FAT3: variants seen among roughly 807,000 people sequenced by gnomAD.
FAT3 encodes protocadherin Fat 3.
A neutral mutation model predicts 310.2 loss-of-function variants in FAT3; 95 were observed. The ratio of observed to expected loss-of-function variants is 0.31; its 90% CI spans 0.26 to 0.36. The LOEUF (loss-of-function observed/expected upper bound fraction) is 0.36. FAT3 is among the 10% of genes least tolerant of loss of function. The probability of loss-of-function intolerance (pLI) is 1.00; values close to 1 mark genes in which losing one functional copy is unlikely to be tolerated. For missense variants in FAT3, 5,408 were observed against 5,715.6 expected (o/e 0.95, Z 1.74); for synonymous variants, 2,314 against 2,192.9 (o/e 1.06, Z -1.54).
chr11:92,561,264 TGTGTGTGTGTGTG>T (rs1955216459), intron 3 of FAT3, among the ~76,000 whole-genome samples: 1 of 35,450 alleles, frequency 2.8e-5, no homozygotes, highest in East Asian at 3.7e-3. Context: ...TGTGTGTGTG[TGTGTGTGTGTGTG>T]TGTGTGTGTG....
chr11:92,525,761 G>A (rs1953840853), intron 3 of FAT3, among the ~76,000 whole-genome samples: 1 of 152,186 alleles, frequency 6.6e-6, no homozygotes. Flanking sequence ...GGGCAAGTGA[G>A]TTGATATTGG....
intron 1 of FAT3, among the ~76,000 whole-genome samples, chr11:92,350,271 A>G (rs1366096674): frequency 2.0e-5 from 3 of 152,030 alleles, no homozygotes; most frequent in Non-Finnish European, 2.9e-5. Flanking sequence ...TTATAATAAT[A>G]TGTGCCTTGC....
rs1046038718 is a variant in FAT3, at chr11:92,250,005, C to T, written c.-18+24831C>T. 3.3e-5 allele frequency among the ~76,000 whole-genome samples: 5 copies of T among 152,122 alleles called. No homozygotes were observed. The East Asian group carries it at 5.8e-4, about 18-fold the overall frequency. ...TGGTAGAAAAATAGATGAGGTGATA[C>T]GTATGATTTCTTTCACTCTTAAAAT... is the stretch of plus-strand genomic sequence containing the variant. On this transcript the variant is annotated intron_variant, in intron 1 of 27. Transcript: ENST00000525166.
At chr11:92,334,020 A>G (rs751558624) in intron 1 of FAT3, among the ~76,000 whole-genome samples, 2 of 152,200 alleles carry the variant, frequency 1.3e-5, no homozygotes, top group Non-Finnish European at 2.9e-5. Flanking sequence ...CCAGTATTCA[A>G]ATATTTACAT....
At chr11:92,313,798 T>G (rs1051545383) in intron 1 of FAT3, among the ~76,000 whole-genome samples, 1 of 152,238 alleles carries the variant, frequency 6.6e-6, no homozygotes, top group Non-Finnish European at 1.5e-5. Context: ...GACCTAGTGA[T>G]CTGCCGACCT....
At chr11:92,286,009 C>T (rs758795408) in intron 1 of FAT3, among the ~76,000 whole-genome samples, 14 of 152,114 alleles carry the variant, frequency 9.2e-5, no homozygotes, top group Admixed American at 4.6e-4. Context: ...TGCTTTTCCC[C>T]GAGATGAGAG....
At chr11:92,350,738 A>C (rs1223088201) in intron 1 of FAT3, among the ~76,000 whole-genome samples, 1 of 130,660 alleles carries the variant, frequency 7.7e-6, no homozygotes, top group Non-Finnish European at 1.7e-5. Context: ...CCTATTACTT[A>C]GGATTATCAT....
Position 92,353,826 on chromosome 11 carries a change from A to G in FAT3, c.1714A>G (p.Asn572Asp). Residue 572 changes from asparagine (N) to aspartate (D), a missense_variant, in exon 2 of 28, where the codon AAC becomes GAC. This residue lies in a region of FAT3 where 4,588 missense variants were observed against 4,809.8 expected (regional missense o/e 0.95). Coordinates refer to ENST00000525166, the MANE Select transcript of FAT3 (RefSeq NM_001367949.2). ...VNVTIRIGNV[N>D]DNSPLFEKVA... ...TGTGACTATTCGAATAGGAAATGTC[A>G]ACGACAACAGCCCTCTCTTTGAAAA... 6.2e-7 allele frequency: 1 copy of G among 1,613,774 alleles called. No individual in the cohort carries two copies. Among genetic ancestry groups the G allele is most frequent in the Non-Finnish European group, 8.5e-7 (1 of 1,179,798 alleles).
chr11:92,423,770 A>C (rs184306887), intron 2 of FAT3, among the ~76,000 whole-genome samples: 3 of 152,298 alleles, frequency 2.0e-5, no homozygotes, highest in Admixed American at 1.3e-4. Context: ...CAATCAGGTA[A>C]GAGTTTATGT....
At chr11:92,340,457 T>C (rs1046647945) in intron 1 of FAT3, among the ~76,000 whole-genome samples, 1 of 152,180 alleles carries the variant, frequency 6.6e-6, no homozygotes, top group Non-Finnish European at 1.5e-5. Flanking sequence ...TTAACTGTAT[T>C]TGAGCTCACT....
At chr11:92,564,164 T>C (rs1344933333) in intron 3 of FAT3, among the ~76,000 whole-genome samples, 6 of 152,036 alleles carry the variant, frequency 3.9e-5, no homozygotes, top group Non-Finnish European at 7.4e-5. Flanking sequence ...GAGACACACA[T>C]AGGCTCAAAA....
Position 92,412,746 on chromosome 11 carries a change from A to ATACACATATATATATAT in FAT3, c.3292+57342_3292+57343insTACACATATATATATAT, listed in dbSNP as rs1591252852. 5.5e-4 allele frequency among the ~76,000 whole-genome samples: 10 copies of ATACACATATATATATAT among 18,070 alleles called. 3 individuals are homozygous for ATACACATATATATATAT. The highest frequency in any genetic ancestry group is 5.1e-3 in the East Asian group (3 of 584). The allele number at this position is 18,070 out of a possible 152,430, so 11.9% of individuals were successfully genotyped here. A position where few individuals can be genotyped will look rare whatever the true frequency, so the allele number is the denominator to read the frequency against. On this transcript the variant is annotated intron_variant, in intron 2 of 27. Transcript: ENST00000525166. Reference sequence around the variant, plus strand: ...ATATATATATATATATATATATATAAATATACATACATATATATATATTTA... The same window carrying ATACACATATATATATAT: ...ATATATATATATATATATATATATAATACACATATATATATATATATACATACATATATATATATTTA...
intron 3 of FAT3, among the ~76,000 whole-genome samples, chr11:92,546,192 G>A (rs1172749650): frequency 1.3e-5 from 2 of 152,168 alleles, no homozygotes; most frequent in Admixed American, 1.3e-4. Flanking sequence ...GAAACTGTAG[G>A]GGTGGTGATA....
chr11:92,229,439 ACTC>A (rs1235491178), intron 1 of FAT3, among the ~76,000 whole-genome samples: 1 of 115,986 alleles, frequency 8.6e-6, no homozygotes, highest in Non-Finnish European at 1.8e-5. Context: ...CAGGGTATCT[ACTC>A]CTTTAATAAG....
At chr11:92,311,653 G>C (rs755830225) in intron 1 of FAT3, among the ~76,000 whole-genome samples, 10 of 152,170 alleles carry the variant, frequency 6.6e-5, no homozygotes, top group Non-Finnish European at 1.3e-4. Context: ...GAAGCAATCT[G>C]GGTGAAAGGA....
intron 1 of FAT3, among the ~76,000 whole-genome samples, chr11:92,228,658 C>T (rs966788110): frequency 2.0e-5 from 3 of 152,172 alleles, no homozygotes; most frequent in Non-Finnish European, 2.9e-5. Context: ...GAGGAGTGCT[C>T]CTGGTGGCTG....
chr11:92,615,935 G>A (rs1305295460), intron 3 of FAT3, among the ~76,000 whole-genome samples: 1 of 152,196 alleles, frequency 6.6e-6, no homozygotes, highest in African/African-American at 2.4e-5. Flanking sequence ...ATGTGGTGCT[G>A]AGAAGAATGT....
intron 3 of FAT3, among the ~76,000 whole-genome samples, chr11:92,682,777 G>A (rs1943518137): frequency 6.6e-6 from 1 of 152,064 alleles, no homozygotes; most frequent in Admixed American, 6.6e-5. Context: ...GGGAGGAAGT[G>A]CTATTTAAAT....
At chr11:92,506,299 A>G (rs539514830) in intron 2 of FAT3, among the ~76,000 whole-genome samples, 5 of 152,212 alleles carry the variant, frequency 3.3e-5, no homozygotes, top group African/African-American at 4.8e-5. Context: ...TGGCCCCAAG[A>G]TCCTCCTTTC....
Sources: gnomAD v4.1 joint callset for allele counts (sites outside exome capture counted in the v4.1 genomes callset) on GRCh38, gnomAD v4.1.1 for gene constraint, gnomAD v4.1.1 regional missense constraint, MANE v1.5 for transcripts, NCBI Gene and HGNC (gene_info 2026-07-23, HGNC 2026-07-21) for gene names.